TENM2: variants seen among roughly 807,000 people sequenced by gnomAD.
TENM2 encodes the protein teneurin-2.
A neutral mutation model predicts 245.2 loss-of-function variants in TENM2; 52 were observed. The ratio of observed to expected loss-of-function variants is 0.21; its 90% CI spans 0.17 to 0.27. The LOEUF is 0.27. Ranked by LOEUF, TENM2 falls within the 10% of genes least tolerant of loss-of-function variation. The pLI is 1.00. For synonymous variants in TENM2, 1,363 were observed against 1,438.9 expected (o/e 0.95, Z 1.19); for missense variants, 3,046 against 3,666.8 (o/e 0.83, Z 4.37).
intron 9 of TENM2, among the ~76,000 whole-genome samples, chr5:168,117,703 G>A (rs1161459376): frequency 1.3e-5 from 2 of 152,180 alleles, no homozygotes; most frequent in African/African-American, 4.8e-5. Flanking sequence ...TAAAACTGAG[G>A]CAGTGAGACT....
intron 2 of TENM2, among the ~76,000 whole-genome samples, chr5:167,572,153 C>G (rs1397277639): frequency 6.6e-6 from 1 of 152,220 alleles, no homozygotes; most frequent in Admixed American, 6.5e-5. Context: ...AAGGGAAAAA[C>G]ATACCCTCCT....
intron 2 of TENM2, among the ~76,000 whole-genome samples, chr5:167,656,278 G>T (rs1174003488): frequency 6.6e-6 from 1 of 152,132 alleles, no homozygotes; most frequent in Non-Finnish European, 1.5e-5. Context: ...AGAACCAGTG[G>T]ATGCCACTGA....
chr5:167,210,153 G>T, the TENM2 span, among the ~76,000 whole-genome samples: 6 of 152,252 alleles, frequency 3.9e-5, no homozygotes, highest in African/African-American at 1.4e-4. Flanking sequence ...TGTTATTCCT[G>T]TTTCACACAT....
intron 2 of TENM2, among the ~76,000 whole-genome samples, chr5:167,681,011 G>A (rs888940411): frequency 3.3e-5 from 5 of 152,114 alleles, no homozygotes; most frequent in Admixed American, 3.3e-4. Flanking sequence ...TGTGATTTGA[G>A]TTGCTAACTA....
At position 167,457,388 on chromosome 5, in the gene TENM2, A is replaced by G. The variant is rs2127485834; in HGVS notation, c.502+81915A>G. ...GCTCTTGTTGCCCAGGCTGGAGTGC[A>G]ATGGCGCAATCTCAGCTCACCGCAA... On this transcript the variant is annotated intron_variant, in intron 2 of 28. Transcript: ENST00000518659. Among the ~76,000 whole-genome samples the G allele has an allele frequency of 1.3e-5, 2 of 150,936 alleles. 1 individual carries two copies. Among genetic ancestry groups the G allele is most frequent in the East Asian group, 4.0e-4 (2 of 5,058 alleles).
intron 2 of TENM2, among the ~76,000 whole-genome samples, chr5:167,679,211 C>T (rs1756536599): frequency 6.6e-6 from 1 of 152,118 alleles, no homozygotes; most frequent in Admixed American, 6.6e-5. Flanking sequence ...CTGTTATCAT[C>T]TACTTATACA....
At chr5:167,489,270 G>A (rs1326203924) in intron 2 of TENM2, among the ~76,000 whole-genome samples, 2 of 152,164 alleles carry the variant, frequency 1.3e-5, no homozygotes, top group Non-Finnish European at 2.9e-5. Context: ...AATGACCTAT[G>A]CAATCTGGCT....
intron 2 of TENM2, among the ~76,000 whole-genome samples, chr5:167,614,413 A>C (rs1398714123): frequency 2.0e-5 from 3 of 152,040 alleles, no homozygotes; most frequent in Non-Finnish European, 4.4e-5. Flanking sequence ...CTTTGGGGTC[A>C]TTCAGTGAGG....
intron 1 of TENM2, among the ~76,000 whole-genome samples, chr5:167,332,387 C>G (rs529012369): frequency 8.9e-4 from 135 of 152,162 alleles, no homozygotes; most frequent in Middle Eastern, 6.8e-3. Context: ...CTTCCTGTGC[C>G]TCACGTGCCT....
chr5:167,782,659 A>G (rs1764278501), intron 2 of TENM2, among the ~76,000 whole-genome samples: 1 of 152,186 alleles, frequency 6.6e-6, no homozygotes, highest in African/African-American at 2.4e-5. Context: ...AAAAAATTAC[A>G]AGGGAGCAGT....
the TENM2 span, among the ~76,000 whole-genome samples, chr5:167,093,134 G>T: frequency 5.9e-5 from 9 of 151,674 alleles, no homozygotes; most frequent in Non-Finnish European, 1.0e-4. Context: ...TACGAAAGAG[G>T]ATTCATTTGG....
intron 2 of TENM2, among the ~76,000 whole-genome samples, chr5:167,569,057 A>G (rs1394654097): frequency 1.4e-5 from 2 of 141,614 alleles, no homozygotes. Flanking sequence ...ACCGAAATCA[A>G]TGAGTATCAC....
chr5:167,772,900 A>C (rs2150776264), intron 2 of TENM2, among the ~76,000 whole-genome samples: 1 of 152,302 alleles, frequency 6.6e-6, no homozygotes, highest in African/African-American at 2.4e-5. Context: ...TTTCCTCCAG[A>C]GAAATAGGAT....
At chr5:167,011,442 A>C in the TENM2 span, among the ~76,000 whole-genome samples, 1 of 152,364 alleles carries the variant, frequency 6.6e-6, no homozygotes, top group East Asian at 1.9e-4. Flanking sequence ...GGACAGGCAC[A>C]GAGTTTCAGA....
At chr5:167,301,008 G>T (rs1383895360) in intron 1 of TENM2, among the ~76,000 whole-genome samples, 2 of 152,146 alleles carry the variant, frequency 1.3e-5, no homozygotes, top group African/African-American at 4.8e-5. Context: ...CAAGGGAACA[G>T]CCCTTGAAAA....
At chr5:166,999,826 A>G in the TENM2 span, among the ~76,000 whole-genome samples, 3 of 152,178 alleles carry the variant, frequency 2.0e-5, no homozygotes, top group Non-Finnish European at 4.4e-5. Flanking sequence ...GTGATGTGGA[A>G]CAACACCCCA....
intron 12 of TENM2, among the ~76,000 whole-genome samples, chr5:168,134,700 A>G (rs984823330): frequency 3.9e-5 from 6 of 152,120 alleles, no homozygotes; most frequent in African/African-American, 7.2e-5. Flanking sequence ...AAGAAAAAAA[A>G]ATTCTCATTA....
intron 2 of TENM2, among the ~76,000 whole-genome samples, chr5:167,531,207 G>A (rs1210989363): frequency 6.6e-6 from 1 of 152,124 alleles, no homozygotes; most frequent in Non-Finnish European, 1.5e-5. Context: ...GTTTCTGTAT[G>A]TACAGGAATG....
intron 2 of TENM2, among the ~76,000 whole-genome samples, chr5:167,510,687 A>C (rs1017026837): frequency 2.6e-5 from 4 of 152,080 alleles, no homozygotes; most frequent in Non-Finnish European, 5.9e-5. Context: ...AAAATGAAAG[A>C]GAGAGGAAAG....
Sources: gnomAD v4.1 joint callset for allele counts (sites outside exome capture counted in the v4.1 genomes callset) on GRCh38, gnomAD v4.1.1 for gene constraint, MANE v1.5 for transcripts, NCBI Gene and HGNC (gene_info 2026-07-23, HGNC 2026-07-21) for gene names.